The following GULP1 variants were observed in gnomAD, a reference collection of about 807,000 sequenced individuals.
GULP1 encodes GULP PTB domain containing engulfment adaptor 1.
A neutral mutation model predicts 40.9 loss-of-function variants in GULP1; 19 were observed. That is an observed-to-expected ratio of 0.46 (90% CI 0.32 to 0.68). The LOEUF is 0.68. GULP1 is among the 30% of genes least tolerant of loss of function. The pLI, the probability that GULP1 is intolerant of heterozygous loss-of-function variation, is 0.03. For synonymous variants in GULP1, 119 were observed against 117.6 expected, an observed-to-expected ratio of 1.01 and a Z score of -0.08; for missense variants, 312 against 362.2, an observed-to-expected ratio of 0.86 and a Z score of 1.12.
chr2:188,403,392 AAAC>A (rs1349241713), intron 2 of GULP1, among the ~76,000 whole-genome samples: 1 of 152,156 alleles, frequency 6.6e-6, no homozygotes, highest in Non-Finnish European at 1.5e-5. Context: ...ACATGAAGGA[AAAC>A]AACAGTAGTA....
At chr2:188,317,334 CAT>C (rs780193580) in intron 1 of GULP1, among the ~76,000 whole-genome samples, 93 of 152,206 alleles carry the variant, frequency 6.1e-4, no homozygotes, top group South Asian at 1.9e-3. Flanking sequence ...AAATAGGAAA[CAT>C]ATTTTTACAA....
intron 1 of GULP1, among the ~76,000 whole-genome samples, chr2:188,323,537 CA>C (rs1270632812): frequency 6.6e-6 from 1 of 151,868 alleles, no homozygotes; most frequent in African/African-American, 2.4e-5. Context: ...GAAGAATCCT[CA>C]ATTTTTTTGC....
chr2:188,338,161 A>G (rs1388708093), intron 1 of GULP1, among the ~76,000 whole-genome samples: 1 of 152,100 alleles, frequency 6.6e-6, no homozygotes, highest in East Asian at 1.9e-4. Context: ...GCTCCTCAAT[A>G]TATCATTGAT....
At chr2:188,392,486 T>C (rs1361615863) in intron 2 of GULP1, among the ~76,000 whole-genome samples, 7 of 152,082 alleles carry the variant, frequency 4.6e-5, no homozygotes, top group Admixed American at 4.6e-4. Flanking sequence ...TTGAAATGTT[T>C]CTCTTCTTTG....
chr2:188,576,362 A>G (rs1202288374), intron 9 of GULP1, among the ~76,000 whole-genome samples: 1 of 152,130 alleles, frequency 6.6e-6, no homozygotes, highest in Admixed American at 6.6e-5. Flanking sequence ...AAAGAAAATA[A>G]TATGAGACTA....
intron 2 of GULP1, among the ~76,000 whole-genome samples, chr2:188,445,236 T>C (rs1444631730): frequency 6.6e-6 from 1 of 151,982 alleles, no homozygotes; most frequent in Non-Finnish European, 1.5e-5. Flanking sequence ...TGTCTTGCAA[T>C]CTATCTAGGT....
intron 7 of GULP1, among the ~76,000 whole-genome samples, chr2:188,561,571 G>A (rs1480657958): frequency 6.6e-6 from 1 of 152,144 alleles, no homozygotes; most frequent in Non-Finnish European, 1.5e-5. Flanking sequence ...CATGATCCTG[G>A]GCTAAGTCCT....
At chr2:188,486,721 T>C (rs139136638) in intron 4 of GULP1, among the ~76,000 whole-genome samples, 117 of 152,086 alleles carry the variant, frequency 7.7e-4, no homozygotes, top group Non-Finnish European at 1.1e-3. Flanking sequence ...AAAATAAGCA[T>C]TGTTCTATGT....
chr2:188,461,909 T>C (rs72911476), intron 2 of GULP1, among the ~76,000 whole-genome samples: 1,834 of 152,264 alleles, frequency 0.012, 14 homozygotes, highest in East Asian at 0.022. Context: ...TTTATAGTGT[T>C]TTCTTCATTT....
intron 1 of GULP1, among the ~76,000 whole-genome samples, chr2:188,293,602 C>CT (rs201586875): frequency 0.011 from 1,708 of 148,532 alleles, 28 homozygotes; most frequent in African/African-American, 0.04. Context: ...CAGTCTTTCC[C>CT]TTTTCCCCCC....
At chr2:188,342,426 A>T (rs917452635) in intron 1 of GULP1, among the ~76,000 whole-genome samples, 3 of 152,050 alleles carry the variant, frequency 2.0e-5, no homozygotes, top group African/African-American at 7.2e-5. Context: ...TCATCACTGG[A>T]TTTAGGGCCT....
intron 9 of GULP1, among the ~76,000 whole-genome samples, chr2:188,573,948 A>T (rs914914309): frequency 6.6e-6 from 1 of 152,204 alleles, no homozygotes; most frequent in Admixed American, 6.5e-5. Context: ...TTCAAGTCAC[A>T]GAAAGGTGAC....
intron 2 of GULP1, among the ~76,000 whole-genome samples, chr2:188,438,293 C>T (rs1260976203): frequency 6.6e-6 from 1 of 151,798 alleles, no homozygotes; most frequent in Non-Finnish European, 1.5e-5. Flanking sequence ...AATGCAGTCG[C>T]ATGCCCAATT....
In GULP1 at chr2:188,354,787, T is replaced by C. The variant is rs75904026; in HGVS notation, c.-171-28976T>C. Among the ~76,000 whole-genome samples, 1,456 of 152,290 alleles carry C rather than the reference T, an allele frequency of 9.6e-3. 13 individuals are homozygous for C. The highest frequency in any genetic ancestry group is 0.013 in the Non-Finnish European group (871 of 68,018). On this transcript the variant is annotated intron_variant, in intron 1 of 11. Transcript: ENST00000409830. ...CACATGAAACATTCTCCTGGATAGA[T>C]CATATGTTAGATGAAAAAATAAGTT...
At chr2:188,531,831 T>C (rs1371801336) in intron 6 of GULP1, among the ~76,000 whole-genome samples, 1 of 152,196 alleles carries the variant, frequency 6.6e-6, no homozygotes, top group East Asian at 1.9e-4. Context: ...AGTGTAGTCT[T>C]ATGTGTCATG....
At chr2:188,353,539 A>G (rs965395304) in intron 1 of GULP1, among the ~76,000 whole-genome samples, 1 of 151,986 alleles carries the variant, frequency 6.6e-6, no homozygotes, top group African/African-American at 2.4e-5. Flanking sequence ...CCATCTACCC[A>G]TTGTAGTCAC....
At chr2:188,474,718 T>TTTTG (rs1210604952) in intron 2 of GULP1, among the ~76,000 whole-genome samples, 2 of 152,152 alleles carry the variant, frequency 1.3e-5, no homozygotes, top group Non-Finnish European at 2.9e-5. Context: ...GTGAAGGTTC[T>TTTTG]TTTGTTTGTT....
chr2:188,443,690 CTTT>C (rs1231359913), intron 2 of GULP1, among the ~76,000 whole-genome samples: 5 of 142,500 alleles, frequency 3.5e-5, no homozygotes, highest in Admixed American at 7.0e-5. Flanking sequence ...AATTTCTTTT[CTTT>C]TTTTTTTTTT....
At chr2:188,441,904 AC>A (rs142858919) in intron 2 of GULP1, among the ~76,000 whole-genome samples, 2,980 of 152,326 alleles carry the variant, frequency 0.02, 95 homozygotes, top group African/African-American at 0.068. Flanking sequence ...TGTTTACTGT[AC>A]AAGCAAACAT....
Sources: gnomAD v4.1 joint callset for allele counts (sites outside exome capture counted in the v4.1 genomes callset) on GRCh38, gnomAD v4.1.1 for gene constraint, MANE v1.5 for transcripts, NCBI Gene and HGNC (gene_info 2026-07-23, HGNC 2026-07-21) for gene names.